AGAP1: variants seen among roughly 807,000 people sequenced by gnomAD.
AGAP1 encodes the protein ArfGAP with GTPase domain, ankyrin repeat and PH domain 1.
In AGAP1, 29 loss-of-function variants were observed where a neutral mutation model predicts 105.3. That is an observed-to-expected ratio of 0.28 (90% confidence interval 0.21 to 0.38). The LOEUF is 0.38. Among genes scored for constraint, AGAP1 ranks in the 10% least tolerant of loss-of-function variants. AGAP1 has a pLI of 1.00. For missense variants in AGAP1, 998 were observed against 1,165.1 expected, an observed-to-expected ratio of 0.86 and a Z score of 2.09; for synonymous variants, 509 against 485.9, an observed-to-expected ratio of 1.05 and a Z score of -0.63.
In AGAP1 at chr2:235,905,478, G is replaced by A. The variant is rs554582145; in HGVS notation, c.1156-3260G>A. Among the ~76,000 whole-genome samples the A allele has an allele frequency of 6.6e-6, 1 of 152,034 alleles. No homozygotes were observed. Among genetic ancestry groups the A allele is most frequent in the African/African-American group, 2.4e-5 (1 of 41,402 alleles). On this transcript the variant is annotated intron_variant, in intron 10 of 17. Coordinates refer to ENST00000304032, the MANE Select transcript of AGAP1 (RefSeq NM_001037131.3). This position sits in a 1 kb window ranked among gnomAD's most constrained non-coding sequence, Gnocchi z 4.2. ...AAGTGACCAACACTCACCACTCTAC[G>A]GTGTGCTTTTCCTTTCTTTTCTCTT...
chr2:236,010,115 TAA>T lies in AGAP1; in HGVS notation c.1646-26433_1646-26432del, dbSNP rs34251322. Among the ~76,000 whole-genome samples, 48 of 140,458 alleles carry T rather than the reference TAA, an allele frequency of 3.4e-4. 1 individual carries two copies. The South Asian group carries it at 4.3e-3, about 13-fold the overall frequency. The allele number at this position is 140,458 out of a possible 152,430, so 92.1% of individuals were successfully genotyped here. A position where few individuals can be genotyped will look rare whatever the true frequency, so the allele number is the denominator to read the frequency against. ...GTTTTCAGGCATTCACATGTGTTAG[TAA>T]AAAAAAAAAAAACAAAAAACTTTTA... On this transcript the variant is annotated intron_variant, in intron 13 of 17. Coordinates refer to ENST00000304032, the MANE Select transcript of AGAP1 (RefSeq NM_001037131.3).
chr2:235,687,423 A>T (rs967597985), intron 1 of AGAP1, among the ~76,000 whole-genome samples: 3 of 152,146 alleles, frequency 2.0e-5, no homozygotes, highest in African/African-American at 7.2e-5. Context: ...CCCTCTGCAG[A>T]CCTTTGAGTC....
At chr2:235,512,575 C>G (rs1323541391) in intron 1 of AGAP1, among the ~76,000 whole-genome samples, 2 of 152,186 alleles carry the variant, frequency 1.3e-5, no homozygotes, top group East Asian at 3.8e-4. Flanking sequence ...ACCTGGGCAA[C>G]AGAGTGAGAC....
intron 6 of AGAP1, among the ~76,000 whole-genome samples, chr2:235,760,463 T>C (rs1161257609): frequency 6.6e-6 from 1 of 152,232 alleles, no homozygotes; most frequent in Non-Finnish European, 1.5e-5. Flanking sequence ...TCAGGAGTAA[T>C]TTGAGAATGT....
intron 12 of AGAP1, among the ~76,000 whole-genome samples, chr2:235,933,006 G>A (rs1249691106): frequency 1.3e-5 from 2 of 152,168 alleles, no homozygotes; most frequent in African/African-American, 4.8e-5. Context: ...TATGCTCCCT[G>A]ACCTCGTAAA....
rs140580993 is a variant in AGAP1 at position 235,700,801 on chromosome 2, G to GTCTC, written c.164-8362_164-8359dup. Among the ~76,000 whole-genome samples, 2 of 147,430 alleles carry GTCTC rather than the reference G, an allele frequency of 1.4e-5. No homozygotes were observed. Among genetic ancestry groups the GTCTC allele is most frequent in the South Asian group, 4.3e-4 (2 of 4,698 alleles). On this transcript the variant is annotated intron_variant, in intron 1 of 17. Coordinates refer to ENST00000304032, the MANE Select transcript of AGAP1 (RefSeq NM_001037131.3). This position sits in a 1 kb window ranked among gnomAD's most constrained non-coding sequence, Gnocchi z 6.1. ...GGCGACAAAGCGAGAATCTGTCTCT[G>GTCTC]TCTCTCTCTCTCTCTCTCTGTGTAT...
At chr2:235,978,692 T>C (rs1326298963) in intron 13 of AGAP1, among the ~76,000 whole-genome samples, 1 of 152,188 alleles carries the variant, frequency 6.6e-6, no homozygotes, top group Non-Finnish European at 1.5e-5. Flanking sequence ...GAGGAGAGCC[T>C]TCTGCAGGCC....
At chr2:235,684,811 C>A (rs1949291622) in intron 1 of AGAP1, among the ~76,000 whole-genome samples, 2 of 152,148 alleles carry the variant, frequency 1.3e-5, no homozygotes, top group Non-Finnish European at 2.9e-5. Flanking sequence ...GAGGCACTTT[C>A]AGAGATTAGG....
chr2:235,987,440 CA>C (rs545267443), intron 13 of AGAP1, among the ~76,000 whole-genome samples: 1 of 145,998 alleles, frequency 6.8e-6, no homozygotes, highest in Non-Finnish European at 1.5e-5. Context: ...TAATTTTTTT[CA>C]AAAAAACAGC....
In AGAP1 at chr2:235,930,921, G is replaced by A. The variant is rs1218170988; in HGVS notation, c.1481G>A (p.Ser494Asn). Residue 494 changes from serine (S) to asparagine (N), a missense_variant and splice_region_variant, in exon 12 of 18, where the codon AGT becomes AAT. Around this residue, in one of 3 missense-constraint regions of AGAP1, gnomAD observed 735 missense variants for 833.4 expected, o/e 0.88. Transcript: ENST00000304032. This position sits in a 1 kb window ranked among gnomAD's most constrained non-coding sequence, Gnocchi z 7.9. ...GTCATTGCAAACTCGGCCATCAGCA[G>A]TGGTAAGAGGGGGCTCAGCCCCACG... ...ATVIANSAISSDTGLGDSVCS... is the reference protein window; with the variant it reads ...ATVIANSAISNDTGLGDSVCS... 1.2e-6 allele frequency: 2 copies of A among 1,613,570 alleles called. No individual in the cohort carries two copies. The highest frequency in any genetic ancestry group is 2.2e-5 in the East Asian group (1 of 44,824).
At chr2:235,925,798 T>G (rs1038220035) in intron 11 of AGAP1, among the ~76,000 whole-genome samples, 3 of 152,204 alleles carry the variant, frequency 2.0e-5, no homozygotes, top group African/African-American at 7.2e-5. Flanking sequence ...GGACTGTGTT[T>G]AGAACAGTGT....
At position 235,744,716 on chromosome 2, in the gene AGAP1, G is replaced by A. The variant is rs779782500; in HGVS notation, c.415G>A (p.Ala139Thr). The part of the protein sequence containing the change: ...PEAQFAMWVD[A>T]VIFVFSLEDE... ...TCCCTAGTTTGCCATGTGGGTGGAC[G>A]CTGTTATATTTGTCTTCAGCTTGGA... The change falls in exon 5 of 18, where the codon GCT becomes ACT. Residue 139 changes from alanine to threonine, a missense_variant. This residue lies in a region of AGAP1 where 735 missense variants were observed against 833.4 expected (regional missense o/e 0.88). Coordinates refer to ENST00000304032, the MANE Select transcript of AGAP1 (RefSeq NM_001037131.3). The surrounding 1 kb of genome is among the most constrained non-coding windows in gnomAD (Gnocchi z 5.2). 4.3e-6 allele frequency: 7 copies of A among 1,613,904 alleles called. No individual in the cohort carries two copies. The highest frequency in any genetic ancestry group is 1.7e-5 in the Admixed American group (1 of 59,990).
Position 235,965,036 on chromosome 2 carries a change from C to A in AGAP1, c.1484-3426C>A, listed in dbSNP as rs1039609418. Among the ~76,000 whole-genome samples the A allele has an allele frequency of 6.6e-6, 1 of 152,210 alleles. No individual in the cohort carries two copies. The highest frequency in any genetic ancestry group is 2.1e-4 in the South Asian group (1 of 4,838). ...CACAACCAAACTGTCATAGTGCAGG[C>A]TCAGGGGGTCTCAGGACTGCTGGCT... On this transcript the variant is annotated intron_variant, in intron 12 of 17. Coordinates refer to ENST00000304032, the MANE Select transcript of AGAP1 (RefSeq NM_001037131.3). The surrounding 1 kb of genome is among the most constrained non-coding windows in gnomAD (Gnocchi z 5.8).
chr2:235,530,854 TG>T (rs1177180716), intron 1 of AGAP1, among the ~76,000 whole-genome samples: 4 of 152,104 alleles, frequency 2.6e-5, no homozygotes, highest in Non-Finnish European at 5.9e-5. Flanking sequence ...GGGAGGGTGG[TG>T]TCTGCCCACC....
chr2:236,012,047 C>T lies in AGAP1; in HGVS notation c.1646-24514C>T, dbSNP rs1184482088. Among the ~76,000 whole-genome samples the T allele has an allele frequency of 6.6e-6, 1 of 152,054 alleles. No individual in the cohort carries two copies. ...TAGAGCAATCAATGCCCCCGGAGAC[C>T]GATGCACATATCAGGACCTTGGTAT... On this transcript the variant is annotated intron_variant, in intron 13 of 17. Transcript: ENST00000304032. The surrounding 1 kb of genome is among the most constrained non-coding windows in gnomAD (Gnocchi z 4.9).
chr2:235,597,407 C>T (rs1214165691), intron 1 of AGAP1, among the ~76,000 whole-genome samples: 1 of 152,234 alleles, frequency 6.6e-6, no homozygotes, highest in East Asian at 1.9e-4. Context: ...CAGGGCCACA[C>T]ACCTTGGCCA....
chr2:236,103,542 CCTTT>C (rs969802033), intron 16 of AGAP1, among the ~76,000 whole-genome samples: 4 of 145,216 alleles, frequency 2.8e-5, no homozygotes, highest in African/African-American at 1.0e-4. Context: ...TTCTCTTTTT[CCTTT>C]CTTTCCTTTC....
chr2:235,667,711 A>C (rs1948171693), intron 1 of AGAP1, among the ~76,000 whole-genome samples: 1 of 152,138 alleles, frequency 6.6e-6, no homozygotes, highest in Non-Finnish European at 1.5e-5. Flanking sequence ...CTGTAATCCC[A>C]GCACTCTGGG....
At chr2:235,884,190 C>T (rs2050159528) in intron 10 of AGAP1, among the ~76,000 whole-genome samples, 1 of 151,806 alleles carries the variant, frequency 6.6e-6, no homozygotes, top group African/African-American at 2.4e-5. Flanking sequence ...GGAAGTCAGT[C>T]ATTTGATTCC....
Sources: allele counts gnomAD v4.1 joint callset (sites outside exome capture counted in the v4.1 genomes callset), GRCh38; gene constraint gnomAD v4.1.1; regional missense constraint gnomAD v4.1.1; non-coding constraint Gnocchi (gnomAD v3.1); transcripts MANE v1.5; gene names NCBI Gene and HGNC (gene_info 2026-07-23, HGNC 2026-07-21).